The following ANXA13 variants were observed in gnomAD, a reference collection of about 807,000 sequenced individuals.
ANXA13 encodes annexin A13.
In ANXA13, 36 loss-of-function variants were observed where a neutral mutation model predicts 46.6. The ratio of observed to expected loss-of-function variants is 0.77; its 90% CI spans 0.59 to 1.02. The LOEUF (loss-of-function observed/expected upper bound fraction) is 1.02, where lower values mean the gene tolerates loss of function less well. Among genes scored for constraint, ANXA13 ranks in the 50% least tolerant of loss-of-function variants. The probability of loss-of-function intolerance (pLI) is 0.00; values close to 1 mark genes in which losing one functional copy is unlikely to be tolerated. For synonymous variants in ANXA13, 163 were observed against 152.9 expected (o/e 1.07, Z -0.49); for missense variants, 417 against 396.5 (o/e 1.05, Z -0.44).
At chr8:123,702,945 A>C (rs144223342) in intron 2 of ANXA13, among the ~76,000 whole-genome samples, 1 of 152,210 alleles carries the variant, frequency 6.6e-6, no homozygotes, top group African/African-American at 2.4e-5. Context: ...GCCTCACAGC[A>C]CATGGCACAC....
At chr8:123,711,857 C>T (rs1426744677) in intron 2 of ANXA13, 2 of 152,338 alleles carry the variant, frequency 1.3e-5, no homozygotes, top group Non-Finnish European at 2.9e-5. Context: ...TCGTGATCCG[C>T]CTGCTTCGGC....
intron 1 of ANXA13, among the ~76,000 whole-genome samples, chr8:123,715,336 G>A (rs572400698): frequency 3.3e-5 from 5 of 152,320 alleles, no homozygotes; most frequent in African/African-American, 4.8e-5. Flanking sequence ...TGAAGGAGCT[G>A]GTCCTCTAAG....
intron 6 of ANXA13, 140 bp from the exon 7 acceptor site, chr8:123,693,919 C>T (rs1254795502): frequency 5.5e-6 from 4 of 729,670 alleles, no homozygotes; most frequent in Non-Finnish European, 9.3e-6. Flanking sequence ...GGAGGAAACA[C>T]CTGCTCTTTG....
chr8:123,702,539 C>CA, intron 3 of ANXA13, 103 bp downstream of exon 3: 1 of 904,980 alleles, frequency 1.1e-6, no homozygotes, highest in East Asian at 2.4e-5. Flanking sequence ...TGGGCTGACT[C>CA]AATAAAGCTA....
intron 4 of ANXA13, among the ~76,000 whole-genome samples, chr8:123,697,411 CTCCT>C (rs1813361504): frequency 6.6e-6 from 1 of 152,160 alleles, no homozygotes; most frequent in African/African-American, 2.4e-5. Context: ...CAACCTGAGA[CTCCT>C]TGAAATGGAG....
At chr8:123,689,981 T>C (rs1813204438) in intron 8 of ANXA13, among the ~76,000 whole-genome samples, 1 of 152,228 alleles carries the variant, frequency 6.6e-6, no homozygotes, top group Non-Finnish European at 1.5e-5. Context: ...CCAGATTTAA[T>C]GAAGCCCTGT....
rs192386755 is a variant in ANXA13 at position 123,708,557 on chromosome 8, G to A, written c.91+4121C>T. On this transcript the variant is annotated intron_variant, in intron 2 of 10. Transcript: ENST00000419625. ...CCGCGCAGTCCCTCATTTCTCCTTT[G>A]GAAATGGGAGTGCAAGGAAGACAGA... is the stretch of plus-strand genomic sequence containing the variant. Among the ~76,000 whole-genome samples, 258 of 152,312 alleles carry A rather than the reference G, an allele frequency of 1.7e-3. 2 individuals carry two copies. Among genetic ancestry groups the A allele is most frequent in the Non-Finnish European group, 3.2e-3 (218 of 68,022 alleles).
At chr8:123,706,390 C>T (rs1473905710) in intron 2 of ANXA13, among the ~76,000 whole-genome samples, 2 of 152,360 alleles carry the variant, frequency 1.3e-5, no homozygotes, top group East Asian at 3.9e-4. Flanking sequence ...TGGATCCTGG[C>T]AGGTGCCAAG....
chr8:123,713,694 T>C (rs1813704617), intron 1 of ANXA13, among the ~76,000 whole-genome samples: 1 of 152,152 alleles, frequency 6.6e-6, no homozygotes, highest in South Asian at 2.1e-4. Flanking sequence ...TGTGTCCATA[T>C]ATTTTCTTTT....
intron 1 of ANXA13, among the ~76,000 whole-genome samples, chr8:123,734,304 C>T (rs1368043258): frequency 6.6e-6 from 1 of 152,158 alleles, no homozygotes; most frequent in Non-Finnish European, 1.5e-5. Flanking sequence ...AAAACCCAGA[C>T]AATAGAAGAG....
intron 8 of ANXA13, among the ~76,000 whole-genome samples, chr8:123,689,562 T>A (rs747278421): frequency 6.6e-6 from 1 of 152,182 alleles, no homozygotes; most frequent in Non-Finnish European, 1.5e-5. Flanking sequence ...AAATGCCACT[T>A]GTCTTCACTC....
intron 4 of ANXA13, among the ~76,000 whole-genome samples, chr8:123,698,053 T>C (rs1417106959): frequency 1.3e-5 from 2 of 152,172 alleles, no homozygotes; most frequent in Non-Finnish European, 2.9e-5. Flanking sequence ...TTGGGCTGCT[T>C]GTTGATTTTT....
chr8:123,719,478 T>C (rs1813820876), intron 1 of ANXA13, among the ~76,000 whole-genome samples: 2 of 152,196 alleles, frequency 1.3e-5, no homozygotes, highest in African/African-American at 2.4e-5. Context: ...GAAATAAACA[T>C]GTAAATGACA....
intron 8 of ANXA13, 143 bp downstream of exon 8, chr8:123,693,054 T>G: frequency 2.7e-6 from 2 of 733,268 alleles, no homozygotes; most frequent in Non-Finnish European, 4.7e-6. Context: ...TATCAAATAT[T>G]CCCTAGGTAG....
intron 1 of ANXA13, among the ~76,000 whole-genome samples, chr8:123,722,374 G>GAAAGAAAGAAAGAAAGAAAGAA (rs1554595372): frequency 6.1e-4 from 67 of 110,586 alleles, no homozygotes; most frequent in Admixed American, 9.1e-4. Flanking sequence ...AAGAAAGAAA[G>GAAAGAAAGAAAGAAAGAAAGAA]AAAGAAAGAA....
intron 2 of ANXA13, among the ~76,000 whole-genome samples, chr8:123,708,671 C>T (rs1813593818): frequency 6.6e-6 from 1 of 152,210 alleles, no homozygotes; most frequent in Non-Finnish European, 1.5e-5. Context: ...GGGGAGGCTG[C>T]TGATTCAATG....
At chr8:123,685,624 C>A (rs150270257) in intron 9 of ANXA13, among the ~76,000 whole-genome samples, 4 of 152,148 alleles carry the variant, frequency 2.6e-5, no homozygotes, top group Non-Finnish European at 5.9e-5. Context: ...CATAATGGGG[C>A]TGTTGTTGTC....
intron 3 of ANXA13, among the ~76,000 whole-genome samples, chr8:123,699,609 A>G (rs1302717040): frequency 6.6e-6 from 1 of 152,252 alleles, no homozygotes; most frequent in African/African-American, 2.4e-5. Flanking sequence ...ATGGTCAAGG[A>G]TGGGCATCAG....
In ANXA13 at chr8:123,693,740, C is replaced by A. The variant is rs763493417; in HGVS notation, c.511G>T (p.Ala171Ser). 4.3e-6 allele frequency: 7 copies of A among 1,614,020 alleles called. No homozygotes were observed. The Admixed American group carries it at 1.2e-4, about 27-fold the overall frequency. ...NEGDDVDKDL[A>S]GQDAKDLYDA... ...TACAGATCTTTGGCATCCTGACCAG[C>A]TAGATCTTTGTCCACGTCATCTCCT... Residue 171 changes from alanine to serine, a missense_variant, in exon 7 of 11, where the codon GCT becomes TCT. Coordinates refer to ENST00000419625, the MANE Select transcript of ANXA13 (RefSeq NM_004306.4).
Sources: allele counts gnomAD v4.1 joint callset (sites outside exome capture counted in the v4.1 genomes callset), GRCh38; gene constraint gnomAD v4.1.1; transcripts MANE v1.5; gene names NCBI Gene and HGNC (gene_info 2026-07-23, HGNC 2026-07-21).